The following CACNA1B variants were observed in gnomAD, a reference collection of about 807,000 sequenced individuals.
The protein encoded by CACNA1B is voltage-dependent N-type calcium channel subunit alpha-1B.
CACNA1B carries 70 observed loss-of-function variants against 247.2 expected under a neutral mutation model. The ratio of observed to expected loss-of-function variants is 0.28; its 90% CI spans 0.23 to 0.35. CACNA1B has a LOEUF of 0.35. Among genes scored for constraint, CACNA1B ranks in the 10% least tolerant of loss-of-function variants. CACNA1B has a pLI of 1.00. For synonymous variants in CACNA1B, 1,231 were observed against 1,294.4 expected (o/e 0.95, Z 1.05); for missense variants, 2,367 against 3,197.4 (o/e 0.74, Z 6.26).
intron 36 of CACNA1B, among the ~76,000 whole-genome samples, chr9:138,094,537 G>A (rs1287374953): frequency 6.6e-6 from 1 of 151,416 alleles, no homozygotes; most frequent in Non-Finnish European, 1.5e-5. Flanking sequence ...CACATTCTGT[G>A]AGGCCAGCAT....
In CACNA1B at chr9:137,956,136, G is replaced by A. The variant is rs57825035; in HGVS notation, c.1186+323G>A. 8.0e-3 allele frequency among the ~76,000 whole-genome samples: 1,213 copies of A among 152,030 alleles called. 6 individuals are homozygous for A. Among genetic ancestry groups the A allele is most frequent in the South Asian group, 0.013 (60 of 4,798 alleles). On this transcript the variant is annotated intron_variant, in intron 8 of 46. Transcript: ENST00000371372. ...TGTCAAGCCTGGACTCCCTCCCCTC[G>A]CCCCAGGCCAGCACTCTTTCCTCCA...
chr9:138,046,867 T>TG, intron 21 of CACNA1B, 37 bp from the exon 22 acceptor site: 3 of 1,599,004 alleles, frequency 1.9e-6, no homozygotes, highest in Non-Finnish European at 2.6e-6. Context: ...CGCGCCCGGC[T>TG]GGGGGGCCTT....
chr9:137,916,877 C>T (rs143116071), intron 5 of CACNA1B, among the ~76,000 whole-genome samples: 10 of 140,460 alleles, frequency 7.1e-5, no homozygotes, highest in South Asian at 2.5e-4. Context: ...ATCAGCGTGG[C>T]GGTTTGGCTG....
In CACNA1B at chr9:138,120,938, C is replaced by G. The variant is rs1962070444; in HGVS notation, c.6489+57C>G. 6 of 1,510,804 alleles carry G rather than the reference C, an allele frequency of 4.0e-6. No individual in the cohort carries two copies. In the African/African-American group the frequency reaches 4.3e-5, roughly 11 times the overall value. 93.6% of individuals were successfully genotyped at this position (1,510,804 alleles called of 1,614,324 possible). A position where few individuals can be genotyped will look rare whatever the true frequency, so the allele number is the denominator to read the frequency against. On this transcript the variant is annotated intron_variant, in intron 46 of 46. Coordinates refer to ENST00000371372, the MANE Select transcript of CACNA1B (RefSeq NM_000718.4). The stretch of plus-strand genomic sequence containing the variant: ...AGCTGCCTCTCCTCGGCCCAGCACC[C>G]CTGTCCCACAGGCTCCTGCCTCTCC...
In CACNA1B at chr9:138,106,417, C is replaced by T. The variant is rs115212688; in HGVS notation, c.5428+610C>T. ...CCGTAGTGGCAATGCCATACTGTTT[C>T]TTGCCCTGTCTACTGGGTTATTTGT... On this transcript the variant is annotated intron_variant, in intron 39 of 46. Coordinates refer to ENST00000371372, the MANE Select transcript of CACNA1B (RefSeq NM_000718.4). 7.4e-3 allele frequency among the ~76,000 whole-genome samples: 1,119 copies of T among 152,074 alleles called. 16 individuals are homozygous for T. Among genetic ancestry groups the T allele is most frequent in the African/African-American group, 0.025 (1,054 of 41,486 alleles).
intron 10 of CACNA1B, among the ~76,000 whole-genome samples, chr9:137,964,869 G>T (rs570480720): frequency 2.6e-5 from 4 of 152,302 alleles, no homozygotes; most frequent in Admixed American, 1.3e-4. Context: ...CTGACCTTTG[G>T]ATGGGGTTTT....
chr9:137,894,279 G>A (rs1471915241), intron 3 of CACNA1B, among the ~76,000 whole-genome samples: 1 of 148,986 alleles, frequency 6.7e-6, no homozygotes, highest in African/African-American at 2.5e-5. Flanking sequence ...CCACAGCCTC[G>A]CCGGCACGGG....
At chr9:137,943,426 C>T (rs772275609) in intron 6 of CACNA1B, among the ~76,000 whole-genome samples, 9 of 152,138 alleles carry the variant, frequency 5.9e-5, no homozygotes, top group African/African-American at 7.2e-5. Context: ...AGATAAAGAA[C>T]GAGTCATTAT....
Position 138,051,772 on chromosome 9 carries a change from C to A in CACNA1B, c.3711-320C>A, listed in dbSNP as rs965359900. ...CACTTCTGGGTCTGCAGTCCTCGTG[C>A]GGGTCTCTTCTGTCCTCTTAATCCT... On this transcript the variant is annotated intron_variant, in intron 24 of 46. Transcript: ENST00000371372. This position sits in a 1 kb window ranked among gnomAD's most constrained non-coding sequence, Gnocchi z 4.3. Among the ~76,000 whole-genome samples, 1 of 152,120 alleles carries A rather than the reference C, an allele frequency of 6.6e-6. No homozygotes were observed. Among genetic ancestry groups the A allele is most frequent in the African/African-American group, 2.4e-5 (1 of 41,438 alleles).
rs777027361 is a variant in CACNA1B at position 137,995,469 on chromosome 9, T to C, written c.1974+8615T>C. 1.2e-4 allele frequency among the ~76,000 whole-genome samples: 18 copies of C among 152,312 alleles called. 1 individual carries two copies. Among genetic ancestry groups the C allele is most frequent in the Middle Eastern group, 3.4e-3 (1 of 294 alleles). On this transcript the variant is annotated intron_variant, in intron 15 of 46. Coordinates refer to ENST00000371372, the MANE Select transcript of CACNA1B (RefSeq NM_000718.4). ...TATTCAACAAATGGTGCTGGGATAA[T>C]TGGCAAGCCACAGGTAGGAGAATGA...
intron 6 of CACNA1B, among the ~76,000 whole-genome samples, chr9:137,942,609 G>GAT (rs1434153549): frequency 1.3e-5 from 2 of 152,214 alleles, no homozygotes; most frequent in Middle Eastern, 3.4e-3. Context: ...AAGAAACTGT[G>GAT]ATATATATAT....
intron 36 of CACNA1B, among the ~76,000 whole-genome samples, chr9:138,091,224 G>C (rs1289309319): frequency 6.6e-6 from 1 of 152,176 alleles, no homozygotes; most frequent in Non-Finnish European, 1.5e-5. Context: ...ATGAAATTCT[G>C]CCGCTTGTGG....
At chr9:138,071,870 C>T (rs1043351743) in intron 32 of CACNA1B, among the ~76,000 whole-genome samples, 2 of 152,030 alleles carry the variant, frequency 1.3e-5, no homozygotes, top group East Asian at 1.9e-4. Context: ...ACCCCCTGAG[C>T]ACAAGGTTTC....
Position 137,927,519 on chromosome 9 carries a change from C to T in CACNA1B, c.966+10088C>T, listed in dbSNP as rs527352964. On this transcript the variant is annotated intron_variant, in intron 6 of 46. Transcript: ENST00000371372. ...TCCTTTTACCATAAAATGGTCTTGA[C>T]GCTCTTGTCAAAAATCATTTGGCCA... Among the ~76,000 whole-genome samples the T allele has an allele frequency of 3.1e-4, 47 of 152,296 alleles. 1 individual carries two copies. Among genetic ancestry groups the T allele is most frequent in the East Asian group, 5.8e-4 (3 of 5,184 alleles).
Position 138,051,450 on chromosome 9 carries a change from G to A in CACNA1B, c.3711-642G>A, listed in dbSNP as rs1001887072. On this transcript the variant is annotated intron_variant, in intron 24 of 46. Transcript: ENST00000371372. This position sits in a 1 kb window ranked among gnomAD's most constrained non-coding sequence, Gnocchi z 4.3. ...TAGCATTGATATGTCTGTCTCTATG[G>A]CTCTCCCTCCCTCCCTCCCTCCCTC... is the stretch of plus-strand genomic sequence containing the variant. Among the ~76,000 whole-genome samples the A allele has an allele frequency of 6.7e-6, 1 of 149,888 alleles. No individual in the cohort carries two copies. The highest frequency in any genetic ancestry group is 2.5e-5 in the African/African-American group (1 of 40,288).
intron 20 of CACNA1B, among the ~76,000 whole-genome samples, chr9:138,035,050 C>T (rs1233411881): frequency 6.6e-6 from 1 of 152,228 alleles, no homozygotes; most frequent in Non-Finnish European, 1.5e-5. Flanking sequence ...CAGCTAGCAA[C>T]TTAAAACTTA....
In CACNA1B at chr9:138,121,417, C is replaced by CCT; in HGVS notation, c.6490-52_6490-51insCT. On this transcript the variant is annotated intron_variant, in intron 46 of 46. Transcript: ENST00000371372. The surrounding 1 kb of genome is among the most constrained non-coding windows in gnomAD (Gnocchi z 6.8). ...TGATGTGCTCTGTCTGTTGGTTCGG[C>CCT]TTTTTTTTTTTTTTTTTTACCTCTG... 1.2e-6 allele frequency: 1 copy of CCT among 866,150 alleles called. No individual in the cohort carries two copies. The highest frequency in any genetic ancestry group is 1.6e-6 in the Non-Finnish European group (1 of 616,908). The allele number at this position is 866,150 out of a possible 1,614,324, so 53.7% of individuals were successfully genotyped here.
chr9:138,065,090 C>CA (rs1959868806), intron 31 of CACNA1B, among the ~76,000 whole-genome samples: 1 of 152,340 alleles, frequency 6.6e-6, no homozygotes, highest in East Asian at 1.9e-4. Context: ...GTCATCCCAG[C>CA]AGCCTGTTAG....
chr9:138,090,910 C>A (rs951367169), intron 36 of CACNA1B, among the ~76,000 whole-genome samples: 6 of 150,828 alleles, frequency 4.0e-5, no homozygotes, highest in African/African-American at 7.3e-5. Context: ...CAAAAACACA[C>A]AAAAAAAATA....
Sources: gnomAD v4.1 joint callset for allele counts (sites outside exome capture counted in the v4.1 genomes callset) on GRCh38, gnomAD v4.1.1 for gene constraint, Gnocchi (gnomAD v3.1) non-coding constraint, MANE v1.5 for transcripts, NCBI Gene and HGNC (gene_info 2026-07-23, HGNC 2026-07-21) for gene names.